ABCA13: variants seen among roughly 807,000 people sequenced by gnomAD.
ABCA13 encodes ATP-binding cassette sub-family A member 13.
ABCA13 carries 476 observed loss-of-function variants against 478.7 expected under a neutral mutation model. That is an observed-to-expected ratio of 0.99 (90% CI 0.92 to 1.07). The LOEUF (loss-of-function observed/expected upper bound fraction) is 1.07. Ranked by LOEUF, ABCA13 falls within the 50% of genes least tolerant of loss-of-function variation. The pLI, the probability that ABCA13 is intolerant of heterozygous loss-of-function variation, is 0.00. For synonymous variants in ABCA13, 2,252 were observed against 2,158.9 expected (o/e 1.04, Z -1.20); for missense variants, 6,060 against 5,910.6 (o/e 1.03, Z -0.83).
At chr7:48,198,040 T>C (rs997546085) in intron 2 of ABCA13, among the ~76,000 whole-genome samples, 197 bp from the exon 3 acceptor site, 5 of 152,184 alleles carry the variant, frequency 3.3e-5, no homozygotes, top group Non-Finnish European at 7.3e-5. Flanking sequence ...GTACTGACCC[T>C]GGAAGAAAGG....
At chr7:48,486,268 C>A (rs1380412133) in intron 47 of ABCA13, among the ~76,000 whole-genome samples, 1 of 152,138 alleles carries the variant, frequency 6.6e-6, no homozygotes, top group Non-Finnish European at 1.5e-5. Flanking sequence ...AAGATCTCAA[C>A]AAAGTTCTTA....
intron 55 of ABCA13, among the ~76,000 whole-genome samples, chr7:48,536,099 A>C (rs1304579843): frequency 6.6e-6 from 1 of 152,192 alleles, no homozygotes; most frequent in Non-Finnish European, 1.5e-5. Context: ...GAGTCTTCAC[A>C]TGCAGCTGTC....
At chr7:48,377,444 A>G (rs1372275541) in intron 35 of ABCA13, among the ~76,000 whole-genome samples, 1 of 152,234 alleles carries the variant, frequency 6.6e-6, no homozygotes, top group African/African-American at 2.4e-5. Flanking sequence ...TAAAAATTAA[A>G]AAAAATGATT....
rs1254463654 is a variant in ABCA13 at position 48,520,126 on chromosome 7, GC to G, written c.13884del (p.Tyr4629IlefsTer8). 6.2e-7 allele frequency: 1 copy of G among 1,613,490 alleles called. No homozygotes were observed. The highest frequency in any genetic ancestry group is 8.5e-7 in the Non-Finnish European group (1 of 1,179,786). ...CTTGGTCAAGGACTGGTAGAACTCT[GC>G]TATAATCAGATCAAATATGACCTGA... is the stretch of plus-strand genomic sequence containing the variant. ...FCLGQGLVEL[C>X]YNQIKYDLTH... On this transcript the variant is annotated frameshift_variant, in exon 53 of 62. Coordinates refer to ENST00000435803, the MANE Select transcript of ABCA13 (RefSeq NM_152701.5). LOFTEE classifies it high-confidence loss of function.
rs149964437 is a variant in ABCA13, at chr7:48,618,027, A to G, written c.14837+2650A>G. 1.6e-3 allele frequency among the ~76,000 whole-genome samples: 247 copies of G among 152,316 alleles called. 1 individual carries two copies. The highest frequency in any genetic ancestry group is 5.7e-3 in the African/African-American group (237 of 41,572). Reference sequence around the variant, plus strand: ...ACTCTCTGCCCCAGGCACAGCCCTCAGAGAAATGGGGCCTCAGATGAGAAA... The same window carrying G: ...ACTCTCTGCCCCAGGCACAGCCCTCGGAGAAATGGGGCCTCAGATGAGAAA... On this transcript the variant is annotated intron_variant, in intron 59 of 61. Transcript: ENST00000435803.
intron 42 of ABCA13, among the ~76,000 whole-genome samples, chr7:48,453,544 A>G (rs1238050366): frequency 5.3e-5 from 8 of 152,130 alleles, no homozygotes; most frequent in Non-Finnish European, 8.8e-5. Context: ...ATCTCCTGCC[A>G]CTTGCTACAC....
In ABCA13 at chr7:48,313,166, T is replaced by C. The variant is rs758080260; in HGVS notation, c.9616T>C (p.Tyr3206His). ...LLAKAQHVFE[Y>H]LPEFLHTFKI... The stretch of plus-strand genomic sequence containing the variant: ...TGCCAAAGCCCAGCACGTCTTTGAG[T>C]ATCTTCCTGAGTTTCTTCACACATT... The change falls in exon 25 of 62, where the codon TAT (tyrosine) becomes CAT (histidine). Residue 3206 changes from tyrosine (Y) to histidine (H), a missense_variant. By Grantham distance (83) the Tyr-to-His change is moderately conservative (BLOSUM62 2). Transcript: ENST00000435803. The C allele has an allele frequency of 1.5e-5, 25 of 1,613,034 alleles. No homozygotes were observed. The highest frequency in any genetic ancestry group is 2.1e-5 in the Non-Finnish European group (25 of 1,179,444).
At position 48,622,736 on chromosome 7, in the gene ABCA13, T is replaced by C. The variant is rs573799465; in HGVS notation, c.14837+7359T>C. ...ATAATATTGAGAACTAATTCTTATA[T>C]AGTGCTTACTGTATGCCAGCTGTAA... On this transcript the variant is annotated intron_variant, in intron 59 of 61. Coordinates refer to ENST00000435803, the MANE Select transcript of ABCA13 (RefSeq NM_152701.5). Among the ~76,000 whole-genome samples the C allele has an allele frequency of 4.7e-4, 71 of 152,212 alleles. 1 individual carries two copies. Among genetic ancestry groups the C allele is most frequent in the Non-Finnish European group, 1.0e-3 (68 of 68,040 alleles).
chr7:48,202,535 C>T (rs1240393886), intron 3 of ABCA13, among the ~76,000 whole-genome samples: 1 of 151,406 alleles, frequency 6.6e-6, no homozygotes, highest in Non-Finnish European at 1.5e-5. Flanking sequence ...TCGATTGTTG[C>T]ACTCACAAAC....
At chr7:48,626,498 A>T in intron 59 of ABCA13, 2 of 457,128 alleles carry the variant, frequency 4.4e-6, no homozygotes, top group Non-Finnish European at 5.8e-6. Context: ...GGGAAATATT[A>T]ATTCTAAGGT....
chr7:48,486,322 T>C (rs995143015), intron 47 of ABCA13, among the ~76,000 whole-genome samples: 2 of 152,192 alleles, frequency 1.3e-5, no homozygotes, highest in Non-Finnish European at 2.9e-5. Context: ...GCCATGTCTT[T>C]CAACATTCTC....
rs541467054 is a variant in ABCA13, at chr7:48,412,816, T to G, written c.12459+233T>G. Among the ~76,000 whole-genome samples the G allele has an allele frequency of 9.5e-4, 142 of 149,598 alleles. 1 individual carries two copies. The highest frequency in any genetic ancestry group is 3.1e-3 in the African/African-American group (124 of 40,426). On this transcript the variant is annotated intron_variant, in intron 41 of 61. Transcript: ENST00000435803. ...AATGGCATTCTTTTAGCATTCTTTT[T>G]TTTTGTTTTGTTTTGTTTTTGTTTT...
At chr7:48,309,837 T>C (rs543912609) in intron 23 of ABCA13, 110 bp from the exon 24 acceptor site, 34 of 1,257,884 alleles carry the variant, frequency 2.7e-5, no homozygotes, top group African/African-American at 2.7e-4. Context: ...GTCCCGGGAG[T>C]TGGGAAATCC....
At chr7:48,504,870 G>A (rs188052357) in intron 48 of ABCA13, among the ~76,000 whole-genome samples, 1 of 152,266 alleles carries the variant, frequency 6.6e-6, no homozygotes, top group African/African-American at 2.4e-5. Context: ...ACTTTAGCTA[G>A]GAAGGACAGG....
At chr7:48,394,266 A>C (rs1585135946) in intron 38 of ABCA13, among the ~76,000 whole-genome samples, 1 of 152,114 alleles carries the variant, frequency 6.6e-6, no homozygotes, top group Non-Finnish European at 1.5e-5. Flanking sequence ...TGGAATATAA[A>C]TTTATAAAGC....
rs1490970016 is a variant in ABCA13, at chr7:48,411,190, TTTCC to T, written c.12228+516_12228+519del. Among the ~76,000 whole-genome samples the T allele has an allele frequency of 1.3e-5, 2 of 149,486 alleles. 1 individual carries two copies. The highest frequency in any genetic ancestry group is 4.9e-5 in the African/African-American group (2 of 40,684). ...CTCTTTCTTTCTTTCTTTCTCTTTC[TTTCC>T]TTTTCTTTTCTTTCTCCCCTTCCCT... On this transcript the variant is annotated intron_variant, in intron 40 of 61. Coordinates refer to ENST00000435803, the MANE Select transcript of ABCA13 (RefSeq NM_152701.5).
chr7:48,575,610 G>A (rs1788091339), intron 55 of ABCA13, among the ~76,000 whole-genome samples: 1 of 152,148 alleles, frequency 6.6e-6, no homozygotes, highest in Non-Finnish European at 1.5e-5. Context: ...TAAGAGAATG[G>A]TATACAATGT....
chr7:48,606,216 C>T (rs1257166682), intron 58 of ABCA13, among the ~76,000 whole-genome samples: 5 of 152,098 alleles, frequency 3.3e-5, no homozygotes, highest in Admixed American at 6.5e-5. Flanking sequence ...TACTTCTGTC[C>T]GTTCGTCAAA....
chr7:48,461,984 A>T (rs1414425383), intron 43 of ABCA13, among the ~76,000 whole-genome samples: 1 of 151,994 alleles, frequency 6.6e-6, no homozygotes, highest in Admixed American at 6.6e-5. Context: ...ATAGGTAGAT[A>T]CTTGGTGCAG....
Sources: gnomAD v4.1 joint callset for allele counts (sites outside exome capture counted in the v4.1 genomes callset) on GRCh38, gnomAD v4.1.1 for gene constraint, MANE v1.5 for transcripts, NCBI Gene and HGNC (gene_info 2026-07-23, HGNC 2026-07-21) for gene names.